The following ATP2B2 variants were observed in gnomAD, a reference collection of about 807,000 sequenced individuals.
The protein encoded by ATP2B2 is ATPase plasma membrane Ca2+ transporting 2, also known as plasma membrane calcium-transporting ATPase 2.
Under a neutral mutation model 120.0 loss-of-function variants are expected in ATP2B2, and 15 were observed. The observed-to-expected ratio is 0.12, with a 90% CI of 0.08 to 0.19. The LOEUF (loss-of-function observed/expected upper bound fraction) is 0.19, where lower values mean the gene tolerates loss of function less well. ATP2B2 is among the 10% of genes least tolerant of loss of function. ATP2B2 has a pLI of 1.00. For missense variants in ATP2B2, 1,045 were observed against 1,719.8 expected, an observed-to-expected ratio of 0.61 and a Z score of 6.94; for synonymous variants, 694 against 700.3, an observed-to-expected ratio of 0.99 and a Z score of 0.14.
intron 5 of ATP2B2, among the ~76,000 whole-genome samples, chr3:10,398,012 C>T (rs544562203): frequency 1.2e-4 from 19 of 152,224 alleles, no homozygotes; most frequent in Non-Finnish European, 2.1e-4. Flanking sequence ...AATTGCATTT[C>T]TGATGCCAGG....
In ATP2B2 at chr3:10,359,932, G is replaced by A. The variant is rs148749880; in HGVS notation, c.1851C>T (p.Asp617=). The A allele has an allele frequency of 4.3e-4, 700 of 1,614,212 alleles. 4 individuals carry two copies. The African/African-American group carries it at 7.0e-3, about 16-fold the overall frequency. ...CCTTGCTGTACATGCGGAAGCTCTC[G>A]TCGGGCAGCTTGATGACAGTGCTCA... ...KSMSTVIKLP[D]ESFRMYSKGA... Residue 617 remains aspartate, a synonymous_variant, in exon 13 of 23, where the codon GAC becomes GAT. Transcript: ENST00000360273.
intron 3 of ATP2B2, among the ~76,000 whole-genome samples, chr3:10,529,047 A>T (rs1464868281): frequency 6.6e-6 from 1 of 152,226 alleles, no homozygotes; most frequent in East Asian, 1.9e-4. Flanking sequence ...CATCCCAGCC[A>T]AGCGGGGGTG....
intron 1 of ATP2B2, among the ~76,000 whole-genome samples, chr3:10,459,071 C>T (rs913020506): frequency 3.3e-5 from 5 of 152,206 alleles, no homozygotes; most frequent in African/African-American, 1.2e-4. Context: ...AAATGGACAT[C>T]CCAGTTGCAG....
At chr3:10,381,887 A>G (rs2061541130) in intron 8 of ATP2B2, among the ~76,000 whole-genome samples, 1 of 152,176 alleles carries the variant, frequency 6.6e-6, no homozygotes, top group Non-Finnish European at 1.5e-5. Flanking sequence ...GACCTGATAC[A>G]CAAGCTCTGG....
At chr3:10,680,541 C>T (rs192578816) in intron 1 of ATP2B2, among the ~76,000 whole-genome samples, 17 of 152,206 alleles carry the variant, frequency 1.1e-4, no homozygotes, top group Admixed American at 1.0e-3. Flanking sequence ...TGTCCTGATG[C>T]CTTGGCATCT....
intron 2 of ATP2B2, among the ~76,000 whole-genome samples, chr3:10,412,797 C>A (rs559650210): frequency 6.6e-6 from 1 of 152,274 alleles, no homozygotes; most frequent in Admixed American, 6.5e-5. Flanking sequence ...ACGAGCCTGG[C>A]CCGAGGTGTG....
At chr3:10,353,607 T>C (rs572514038) in intron 14 of ATP2B2, among the ~76,000 whole-genome samples, 3 of 152,260 alleles carry the variant, frequency 2.0e-5, no homozygotes, top group African/African-American at 7.2e-5. Context: ...CTTCAGGCAC[T>C]GGGAACTGTG....
At chr3:10,440,622 T>A (rs1021325172) in intron 2 of ATP2B2, among the ~76,000 whole-genome samples, 3 of 152,222 alleles carry the variant, frequency 2.0e-5, no homozygotes, top group African/African-American at 7.2e-5. Flanking sequence ...CTTTGCACAC[T>A]CAATTCTGCC....
intron 22 of ATP2B2, among the ~76,000 whole-genome samples, chr3:10,333,015 C>G (rs544934026): frequency 2.6e-5 from 4 of 152,268 alleles, no homozygotes; most frequent in African/African-American, 9.6e-5. Flanking sequence ...GTGCCATGTG[C>G]CTTGTGACTG....
intron 3 of ATP2B2, among the ~76,000 whole-genome samples, chr3:10,519,626 G>T (rs1417353485): frequency 6.6e-6 from 1 of 152,208 alleles, no homozygotes; most frequent in Non-Finnish European, 1.5e-5. Flanking sequence ...AAGGAGGAAA[G>T]CTTCCAATGA....
At chr3:10,393,224 G>C (rs1433174436) in intron 5 of ATP2B2, among the ~76,000 whole-genome samples, 3 of 152,186 alleles carry the variant, frequency 2.0e-5, no homozygotes, top group Admixed American at 2.0e-4. Flanking sequence ...GGCAAAGGTG[G>C]GAGGTGGTCC....
intron 1 of ATP2B2, among the ~76,000 whole-genome samples, chr3:10,491,875 C>T (rs768036396): frequency 1.3e-5 from 2 of 152,190 alleles, no homozygotes; most frequent in East Asian, 1.9e-4. Context: ...GAAAAAAGGA[C>T]TTCCAATAAA....
At chr3:10,406,860 G>A (rs2062431079) in intron 3 of ATP2B2, among the ~76,000 whole-genome samples, 1 of 152,230 alleles carries the variant, frequency 6.6e-6, no homozygotes, top group African/African-American at 2.4e-5. Context: ...GTCACTTGCT[G>A]GGAGTTGCTG....
intron 1 of ATP2B2, among the ~76,000 whole-genome samples, chr3:10,695,265 A>G (rs1340293962): frequency 6.6e-6 from 1 of 151,624 alleles, no homozygotes; most frequent in Admixed American, 6.6e-5. Flanking sequence ...AGAGAGAGAG[A>G]GAGAGAGAGA....
intron 1 of ATP2B2, among the ~76,000 whole-genome samples, chr3:10,480,934 G>A (rs967009320): frequency 3.3e-5 from 5 of 152,320 alleles, no homozygotes; most frequent in East Asian, 1.9e-4. Context: ...AGAGGGCCCC[G>A]TCACCCCTCC....
At chr3:10,684,683 A>C (rs1244409100) in intron 1 of ATP2B2, among the ~76,000 whole-genome samples, 1 of 152,232 alleles carries the variant, frequency 6.6e-6, no homozygotes, top group Non-Finnish European at 1.5e-5. Flanking sequence ...AATTTCTAAA[A>C]AGAAGCATCC....
intron 1 of ATP2B2, among the ~76,000 whole-genome samples, chr3:10,501,381 T>G (rs2066386110): frequency 2.6e-5 from 4 of 151,088 alleles, no homozygotes; most frequent in African/African-American, 7.3e-5. Context: ...CGGTTTTTTT[T>G]TTTTTTTGAG....
chr3:10,506,408 C>T (rs1283080739), upstream of ATP2B2, among the ~76,000 whole-genome samples: 1 of 152,088 alleles, frequency 6.6e-6, no homozygotes, highest in Non-Finnish European at 1.5e-5. Flanking sequence ...AGTTGCAGGC[C>T]GACTGTGGGC....
intron 1 of ATP2B2, among the ~76,000 whole-genome samples, chr3:10,487,394 G>A (rs1214295012): frequency 6.6e-6 from 1 of 152,142 alleles, no homozygotes; most frequent in Non-Finnish European, 1.5e-5. Flanking sequence ...GGGTTACCAG[G>A]GTCATGAGTC....
Sources: allele counts gnomAD v4.1 joint callset (sites outside exome capture counted in the v4.1 genomes callset), GRCh38; gene constraint gnomAD v4.1.1; transcripts MANE v1.5; gene names NCBI Gene and HGNC (gene_info 2026-07-23, HGNC 2026-07-21).